EPB41L3: variants seen among roughly 807,000 people sequenced by gnomAD.
The protein encoded by EPB41L3 is band 4.1-like protein 3.
A neutral mutation model predicts 127.1 loss-of-function variants in EPB41L3; 57 were observed. The ratio of observed to expected loss-of-function variants is 0.45; its 90% confidence interval spans 0.36 to 0.56. EPB41L3 has a LOEUF of 0.56. Among genes scored for constraint, EPB41L3 ranks in the 20% least tolerant of loss-of-function variants. The pLI, the probability that EPB41L3 is intolerant of heterozygous loss-of-function variation, is 0.00. For missense variants in EPB41L3, 1,273 were observed against 1,372.2 expected (o/e 0.93, Z 1.14); for synonymous variants, 572 against 549.5 (o/e 1.04, Z -0.57).
At chr18:5,411,430 A>T (rs1568035544) in intron 13 of EPB41L3, among the ~76,000 whole-genome samples, 1 of 152,198 alleles carries the variant, frequency 6.6e-6, no homozygotes, top group Non-Finnish European at 1.5e-5. Context: ...ACTTAGAAAC[A>T]AATAAAACAA....
chr18:5,599,497 C>T (rs919661802), intron 3 of EPB41L3, among the ~76,000 whole-genome samples: 6 of 152,204 alleles, frequency 3.9e-5, no homozygotes. Flanking sequence ...TGGTAATCCC[C>T]AGTGTTGGAG....
chr18:5,438,273 A>C (rs1013984831), intron 5 of EPB41L3, among the ~76,000 whole-genome samples, 163 bp from the exon 6 acceptor site: 4 of 152,220 alleles, frequency 2.6e-5, no homozygotes, highest in African/African-American at 9.6e-5. Flanking sequence ...GATAAGTCTG[A>C]AACCTTGTCT....
chr18:5,396,334 T>G lies in EPB41L3; in HGVS notation c.2842-2A>C. On this transcript the variant is annotated splice_acceptor_variant, in intron 18 of 22. Coordinates refer to ENST00000341928, the MANE Select transcript of EPB41L3 (RefSeq NM_012307.5). LOFTEE classifies it high-confidence loss of function. ...GGTTTCCGTCTTCACCGTTGAGGACTGTGCCAAAGGGGAGTAAGCAGAGTG... is the reference window on the plus strand; with the variant it reads ...GGTTTCCGTCTTCACCGTTGAGGACGGTGCCAAAGGGGAGTAAGCAGAGTG... 6.2e-7 allele frequency: 1 copy of G among 1,614,192 alleles called. No individual in the cohort carries two copies. The highest frequency in any genetic ancestry group is 8.5e-7 in the Non-Finnish European group (1 of 1,180,008).
intron 3 of EPB41L3, among the ~76,000 whole-genome samples, chr18:5,452,371 T>C (rs1367761052): frequency 7.1e-6 from 1 of 141,366 alleles, no homozygotes; most frequent in African/African-American, 2.7e-5. Flanking sequence ...CACAAGTGCC[T>C]AAAATCCTTT....
chr18:5,491,225 G>C (rs1049699222), intron 1 of EPB41L3, among the ~76,000 whole-genome samples: 4 of 152,178 alleles, frequency 2.6e-5, no homozygotes, highest in African/African-American at 7.2e-5. Flanking sequence ...ACCCAGTCCT[G>C]GACATGTCAC....
intron 3 of EPB41L3, among the ~76,000 whole-genome samples, chr18:5,469,911 C>G (rs1246426989): frequency 6.6e-6 from 1 of 151,938 alleles, no homozygotes; most frequent in Non-Finnish European, 1.5e-5. Context: ...TCCCAAGTAG[C>G]TGGGATTACA....
chr18:5,423,982 A>T (rs2145271179), intron 10 of EPB41L3, among the ~76,000 whole-genome samples: 1 of 152,286 alleles, frequency 6.6e-6, no homozygotes, highest in East Asian at 1.9e-4. Context: ...ATAGTAAGGA[A>T]TGGATTGGAT....
intron 5 of EPB41L3, among the ~76,000 whole-genome samples, chr18:5,439,622 T>A (rs2080374866): frequency 1.3e-5 from 2 of 152,226 alleles, no homozygotes; most frequent in East Asian, 3.9e-4. Flanking sequence ...AGTGGGAACT[T>A]AATATCATTT....
At chr18:5,484,254 G>C (rs74668005) in intron 2 of EPB41L3, among the ~76,000 whole-genome samples, 21,417 of 150,936 alleles carry the variant, frequency 0.14, 1,669 homozygotes, top group Non-Finnish European at 0.17. Flanking sequence ...CAACGAGTCA[G>C]TGAAGAAACT....
intron 11 of EPB41L3, 132 bp downstream of exon 11, chr18:5,423,246 C>G (rs2145220348): frequency 2.2e-6 from 2 of 902,402 alleles, no homozygotes; most frequent in Admixed American, 4.0e-5. Context: ...ATGTGCCATT[C>G]AGTCAATAAG....
At position 5,503,170 on chromosome 18, in the gene EPB41L3, T is replaced by G. The variant is rs2091886240; in HGVS notation, c.-11-13976A>C. ...TTATCACTTTTTTTAAAATACTCTT[T>G]TGGCTAGGTGGCCATTCTACTGTCT... is the stretch of plus-strand genomic sequence containing the variant. On this transcript the variant is annotated intron_variant, in intron 1 of 22. Coordinates refer to ENST00000341928, the MANE Select transcript of EPB41L3 (RefSeq NM_012307.5). 2.0e-5 allele frequency among the ~76,000 whole-genome samples: 3 copies of G among 152,212 alleles called. 1 individual carries two copies. In the South Asian group the frequency reaches 6.2e-4, roughly 32 times the overall value.
At chr18:5,553,868 C>T (rs1719959) in intron 3 of EPB41L3, among the ~76,000 whole-genome samples, 28,889 of 152,146 alleles carry the variant, frequency 0.19, 3,074 homozygotes, top group African/African-American at 0.29. Context: ...TTGTTCAAAG[C>T]CTCTGGGGGC....
chr18:5,552,977 T>C (rs2093986055), intron 3 of EPB41L3, among the ~76,000 whole-genome samples: 1 of 152,218 alleles, frequency 6.6e-6, no homozygotes, highest in Admixed American at 6.5e-5. Flanking sequence ...TCAACAGTTT[T>C]GACTTTCAGA....
chr18:5,488,245 A>T (rs1052082828), intron 2 of EPB41L3, among the ~76,000 whole-genome samples: 9 of 152,288 alleles, frequency 5.9e-5, no homozygotes, highest in Admixed American at 1.3e-4. Context: ...GCAGCTATAA[A>T]AAAGGATGAG....
intron 3 of EPB41L3, among the ~76,000 whole-genome samples, chr18:5,459,287 A>C (rs1197209068): frequency 2.0e-5 from 3 of 152,156 alleles, no homozygotes; most frequent in Admixed American, 6.5e-5. Context: ...CAACGAATAT[A>C]TAGCTCTGAA....
At chr18:5,529,611 G>A (rs536091650) in intron 1 of EPB41L3, among the ~76,000 whole-genome samples, 134 of 152,272 alleles carry the variant, frequency 8.8e-4, no homozygotes, top group Non-Finnish European at 1.1e-3. Flanking sequence ...TGCAGCTCTC[G>A]TGTCATTTAA....
At chr18:5,534,648 T>A (rs2093514917) in intron 1 of EPB41L3, among the ~76,000 whole-genome samples, 1 of 152,222 alleles carries the variant, frequency 6.6e-6, no homozygotes, top group Admixed American at 6.5e-5. Context: ...CACAAAATTC[T>A]ACACTCATCC....
intron 3 of EPB41L3, among the ~76,000 whole-genome samples, chr18:5,581,178 G>A (rs541480616): frequency 2.6e-5 from 4 of 152,254 alleles, no homozygotes; most frequent in African/African-American, 9.6e-5. Context: ...AACATGTAGT[G>A]GATGAAGTCT....
intron 3 of EPB41L3, among the ~76,000 whole-genome samples, chr18:5,582,674 T>G (rs186984728): frequency 6.6e-6 from 1 of 152,274 alleles, no homozygotes; most frequent in African/African-American, 2.4e-5. Flanking sequence ...AGCTCCCACT[T>G]TGGAAAGGAA....
Sources: gnomAD v4.1 joint callset for allele counts (sites outside exome capture counted in the v4.1 genomes callset) on GRCh38, gnomAD v4.1.1 for gene constraint, MANE v1.5 for transcripts, NCBI Gene and HGNC (gene_info 2026-07-23, HGNC 2026-07-21) for gene names.